GRM5: variants seen among roughly 807,000 people sequenced by gnomAD.
GRM5 encodes glutamate metabotropic receptor 5.
A neutral mutation model predicts 83.1 loss-of-function variants in GRM5; 19 were observed. The ratio of observed to expected loss-of-function variants is 0.23; its 90% CI spans 0.16 to 0.34. The LOEUF (loss-of-function observed/expected upper bound fraction) is 0.34. Ranked by LOEUF, GRM5 falls within the 10% of genes least tolerant of loss-of-function variation. The pLI is 1.00. For synonymous variants in GRM5, 675 were observed against 633.6 expected (o/e 1.07, Z -0.98); for missense variants, 1,160 against 1,588.3 (o/e 0.73, Z 4.58).
At chr11:88,778,387 T>TC (rs1034712492) in intron 3 of GRM5, among the ~76,000 whole-genome samples, 4 of 152,142 alleles carry the variant, frequency 2.6e-5, no homozygotes, top group African/African-American at 9.7e-5. Context: ...GAAAGGGAAA[T>TC]CCCCCAACCC....
At chr11:88,798,805 C>CAAAAAAAAAAA (rs4002396) in intron 3 of GRM5, among the ~76,000 whole-genome samples, 92 of 55,284 alleles carry the variant, frequency 1.7e-3, no homozygotes, top group South Asian at 2.2e-3. Flanking sequence ...ATGAAAACAC[C>CAAAAAAAAAAA]AAAAAAAAAA....
chr11:89,064,882 CTCTCTCTG>C (rs1276543439), intron 1 of GRM5, among the ~76,000 whole-genome samples: 17 of 61,290 alleles, frequency 2.8e-4, no homozygotes, highest in East Asian at 2.4e-3. Context: ...CTCTCTCTCT[CTCTCTCTG>C]TGTGTGTGTG....
intron 2 of GRM5, among the ~76,000 whole-genome samples, chr11:88,856,718 C>A (rs1364468511): frequency 6.6e-6 from 1 of 151,940 alleles, no homozygotes; most frequent in Non-Finnish European, 1.5e-5. Context: ...TTTACATTTG[C>A]ATCACCACAA....
chr11:88,829,366 C>T (rs11021493), intron 3 of GRM5, among the ~76,000 whole-genome samples: 3,913 of 152,124 alleles, frequency 0.026, 179 homozygotes, highest in African/African-American at 0.09. Context: ...GAGGCTGAGG[C>T]GAGAGAATTG....
chr11:88,566,300 A>G (rs1197500258), intron 8 of GRM5, among the ~76,000 whole-genome samples: 1 of 151,512 alleles, frequency 6.6e-6, no homozygotes, highest in Non-Finnish European at 1.5e-5. Flanking sequence ...CATTTATCAC[A>G]TAAGGAAGTT....
At chr11:88,563,498 C>T (rs181792742) in intron 8 of GRM5, among the ~76,000 whole-genome samples, 1 of 152,284 alleles carries the variant, frequency 6.6e-6, no homozygotes, top group East Asian at 1.9e-4. Context: ...CACACGACCC[C>T]ATCCAGAAAC....
chr11:88,538,712 A>T (rs1464402689), intron 8 of GRM5, among the ~76,000 whole-genome samples: 1 of 152,238 alleles, frequency 6.6e-6, no homozygotes, highest in Non-Finnish European at 1.5e-5. Flanking sequence ...GGAATGTTCC[A>T]GACACAATTC....
intron 3 of GRM5, among the ~76,000 whole-genome samples, chr11:88,760,182 C>G (rs1431388680): frequency 6.6e-6 from 1 of 152,016 alleles, no homozygotes; most frequent in Non-Finnish European, 1.5e-5. Context: ...CAACAGCAAA[C>G]CAATCCCAAA....
intron 3 of GRM5, among the ~76,000 whole-genome samples, chr11:88,768,114 C>A (rs913334397): frequency 1.3e-5 from 2 of 151,842 alleles, no homozygotes; most frequent in African/African-American, 4.8e-5. Context: ...ACGTTGAAAA[C>A]AAGGTATCAA....
chr11:88,822,227 T>C (rs1186607743), intron 3 of GRM5, among the ~76,000 whole-genome samples: 1 of 152,182 alleles, frequency 6.6e-6, no homozygotes, highest in Admixed American at 6.5e-5. Context: ...ATAATTTCTG[T>C]ACAGGATGAC....
intron 1 of GRM5, among the ~76,000 whole-genome samples, 183 bp from the exon 2 acceptor site, chr11:89,048,255 T>C (rs1224321747): frequency 1.3e-5 from 2 of 152,238 alleles, no homozygotes; most frequent in Non-Finnish European, 2.9e-5. Flanking sequence ...GCAGCTGATG[T>C]AGCTTCTTGA....
chr11:88,883,796 C>G (rs1357112743), intron 2 of GRM5, among the ~76,000 whole-genome samples: 4 of 152,028 alleles, frequency 2.6e-5, no homozygotes, highest in African/African-American at 9.7e-5. Flanking sequence ...GCCTTGCATC[C>G]CAGCTGTTTC....
chr11:89,056,163 A>G (rs1463172597), intron 1 of GRM5, among the ~76,000 whole-genome samples: 1 of 152,168 alleles, frequency 6.6e-6, no homozygotes, highest in Non-Finnish European at 1.5e-5. Flanking sequence ...TTGTAGCACA[A>G]TTATTTAAAG....
rs932924371 is a variant in GRM5 at position 88,705,803 on chromosome 11, A to C, written c.912-52400T>G. On this transcript the variant is annotated intron_variant, in intron 3 of 9. Transcript: ENST00000305447. ...TCAATAATTATTTCCCTTAGGATCAAATGCAAACTTCTTGGGTATGTCACC... is the reference window on the plus strand; with the variant it reads ...TCAATAATTATTTCCCTTAGGATCACATGCAAACTTCTTGGGTATGTCACC... Among the ~76,000 whole-genome samples the C allele has an allele frequency of 3.9e-5, 6 of 151,954 alleles. 1 individual carries two copies. Among genetic ancestry groups the C allele is most frequent in the Admixed American group, 3.9e-4 (6 of 15,222 alleles).
intron 5 of GRM5, among the ~76,000 whole-genome samples, chr11:88,600,974 G>A (rs1937972060): frequency 1.3e-5 from 2 of 152,092 alleles, no homozygotes; most frequent in Admixed American, 1.3e-4. Flanking sequence ...AGTAATGAGA[G>A]ATCACAGAGT....
intron 1 of GRM5, among the ~76,000 whole-genome samples, chr11:89,051,971 G>A (rs970750057): frequency 6.6e-6 from 1 of 152,196 alleles, no homozygotes; most frequent in Admixed American, 6.5e-5. Context: ...TGTATTTGCT[G>A]ATAGACTAGA....
chr11:88,876,811 A>G (rs370271900), intron 2 of GRM5, among the ~76,000 whole-genome samples: 108 of 152,214 alleles, frequency 7.1e-4, no homozygotes, highest in Middle Eastern at 3.4e-3. Context: ...CAACATAGAT[A>G]GGCATGATTT....
intron 1 of GRM5, among the ~76,000 whole-genome samples, chr11:89,055,410 A>C (rs920593308): frequency 2.7e-4 from 41 of 152,188 alleles, no homozygotes; most frequent in African/African-American, 9.4e-4. Context: ...TGTTTGCTCT[A>C]TCCTCCAAGC....
At chr11:88,773,901 G>C (rs1942791645) in intron 3 of GRM5, among the ~76,000 whole-genome samples, 1 of 152,086 alleles carries the variant, frequency 6.6e-6, no homozygotes, top group Non-Finnish European at 1.5e-5. Flanking sequence ...CTCTAGCTTT[G>C]TTCTTTTTGC....
Sources: allele counts gnomAD v4.1 joint callset (sites outside exome capture counted in the v4.1 genomes callset), GRCh38; gene constraint gnomAD v4.1.1; transcripts MANE v1.5; gene names NCBI Gene and HGNC (gene_info 2026-07-23, HGNC 2026-07-21).